SLC38A12: variants seen among roughly 807,000 people sequenced by gnomAD.
SLC38A12 encodes the protein solute carrier family 38 member 12, also known as putative sodium-coupled neutral amino acid transporter 12.
At chr17:74,776,525 C>A in the SLC38A12 span, 1 of 151,080 alleles carries the variant, frequency 6.6e-6, no homozygotes, top group East Asian at 2.0e-4. Context: ...CAGCTGGCGC[C>A]GGCAGCAGCG....
the SLC38A12 span, among the ~76,000 whole-genome samples, chr17:74,799,573 TGAA>T: frequency 6.6e-6 from 1 of 152,090 alleles, no homozygotes; most frequent in Non-Finnish European, 1.5e-5. Context: ...GACACCCCCT[TGAA>T]GAAGTGGAGG....
chr17:74,836,305 C>T, the SLC38A12 span: 2 of 1,612,748 alleles, frequency 1.2e-6, no homozygotes, highest in South Asian at 1.1e-5. The surrounding 1 kb of genome is among the most constrained non-coding windows in gnomAD (Gnocchi z 4.2). Flanking sequence ...ACCAACTTCC[C>T]CATCATTGCC....
the SLC38A12 span, among the ~76,000 whole-genome samples, chr17:74,809,329 C>T: frequency 5.3e-5 from 8 of 152,096 alleles, no homozygotes; most frequent in African/African-American, 1.7e-4. Flanking sequence ...AACAGCAAAC[C>T]CAAGAACTGC....
the SLC38A12 span, among the ~76,000 whole-genome samples, chr17:74,789,754 A>G: frequency 2.0e-5 from 3 of 149,592 alleles, no homozygotes; most frequent in East Asian, 6.1e-4. Flanking sequence ...CTGAGGCAGG[A>G]GAATCACTTG....
the SLC38A12 span, among the ~76,000 whole-genome samples, chr17:74,824,964 A>G: frequency 6.6e-6 from 1 of 152,244 alleles, no homozygotes; most frequent in Non-Finnish European, 1.5e-5. Flanking sequence ...CCTGTCTCCA[A>G]ACCCATGACT....
At chr17:74,831,491 C>G in the SLC38A12 span, among the ~76,000 whole-genome samples, 7 of 152,328 alleles carry the variant, frequency 4.6e-5, no homozygotes, top group Middle Eastern at 3.4e-3. Context: ...CTCCCCTTGT[C>G]ATTTTGTAGC....
the SLC38A12 span, among the ~76,000 whole-genome samples, chr17:74,823,552 T>G: frequency 4.3e-4 from 65 of 152,334 alleles, no homozygotes; most frequent in Non-Finnish European, 6.9e-4. Flanking sequence ...CATGTGACAG[T>G]GTCTGTTGAT....
the SLC38A12 span, chr17:74,838,473 C>G: frequency 9.8e-7 from 1 of 1,021,676 alleles, no homozygotes; most frequent in Non-Finnish European, 1.2e-6. Flanking sequence ...ACCCGAGGCT[C>G]CAAACCAAAT....
At chr17:74,803,244 T>G in the SLC38A12 span, among the ~76,000 whole-genome samples, 1 of 152,134 alleles carries the variant, frequency 6.6e-6, no homozygotes, top group East Asian at 1.9e-4. Context: ...AAGGGAGATA[T>G]CCGTGTATTC....
the SLC38A12 span, chr17:74,838,733 A>G: frequency 6.9e-7 from 1 of 1,445,530 alleles, no homozygotes; most frequent in Non-Finnish European, 9.1e-7. Flanking sequence ...TCTGCCGCTG[A>G]CGGCCAATGG....
At chr17:74,819,679 C>A in the SLC38A12 span, 2 of 1,462,640 alleles carry the variant, frequency 1.4e-6, no homozygotes, top group Non-Finnish European at 1.9e-6. Context: ...ACGTGAGCAG[C>A]AGCGTCTTCC....
At chr17:74,777,116 C>A in the SLC38A12 span, 1 of 626,182 alleles carries the variant, frequency 1.6e-6, no homozygotes, top group South Asian at 1.8e-5. Context: ...CCAGGGTGAC[C>A]CCTCCCTCGG....
the SLC38A12 span, among the ~76,000 whole-genome samples, chr17:74,804,053 GT>G: frequency 6.6e-6 from 1 of 152,088 alleles, no homozygotes; most frequent in Admixed American, 6.5e-5. Context: ...ATGCCAAACT[GT>G]TTGTCTTCTG....
chr17:74,795,943 A>G, the SLC38A12 span, among the ~76,000 whole-genome samples: 3 of 152,324 alleles, frequency 2.0e-5, no homozygotes, highest in African/African-American at 7.2e-5. Context: ...ACCTCAGCAG[A>G]GTTCTCCAAG....
At chr17:74,837,544 C>T in the SLC38A12 span, 1 of 985,470 alleles carries the variant, frequency 1.0e-6, no homozygotes, top group Middle Eastern at 5.2e-4. Context: ...TTGGCAGTGA[C>T]ATGGCAGTGG....
chr17:74,778,661 T>G, the SLC38A12 span, among the ~76,000 whole-genome samples: 2 of 148,106 alleles, frequency 1.4e-5, no homozygotes, highest in Non-Finnish European at 3.0e-5. Context: ...TTTTTTTTTT[T>G]TTTTGAGACA....
chr17:74,792,226 G>C, the SLC38A12 span, among the ~76,000 whole-genome samples: 4 of 152,148 alleles, frequency 2.6e-5, no homozygotes, highest in African/African-American at 9.7e-5. Flanking sequence ...CGAGGCAGGC[G>C]GATCACTTGA....
chr17:74,817,257 T>C, the SLC38A12 span, among the ~76,000 whole-genome samples: 1 of 152,216 alleles, frequency 6.6e-6, no homozygotes, highest in Non-Finnish European at 1.5e-5. Context: ...TTTGGCAGTC[T>C]GTGCGTGTTT....
chr17:74,822,828 C>A, the SLC38A12 span, among the ~76,000 whole-genome samples: 1 of 152,234 alleles, frequency 6.6e-6, no homozygotes, highest in East Asian at 1.9e-4. Context: ...GTGTGTCCCC[C>A]TCCCAGCCCC....
Sources: allele counts gnomAD v4.1 joint callset (sites outside exome capture counted in the v4.1 genomes callset), GRCh38; gene constraint gnomAD v4.1.1; non-coding constraint Gnocchi (gnomAD v3.1); transcripts MANE v1.5; gene names NCBI Gene and HGNC (gene_info 2026-07-23, HGNC 2026-07-21).